Variants in SLC6A20 observed in about 807,000 individuals in gnomAD.
SLC6A20 encodes solute carrier family 6 member 20.
A neutral mutation model predicts 64.3 loss-of-function variants in SLC6A20; 73 were observed. The observed-to-expected ratio is 1.14, with a 90% CI of 0.94 to 1.38. The LOEUF is 1.38. SLC6A20 is among the 40% of genes most tolerant of loss of function. The probability of loss-of-function intolerance (pLI) is 0.00; values close to 1 mark genes in which losing one functional copy is unlikely to be tolerated. For synonymous variants in SLC6A20, 347 were observed against 329.6 expected, an observed-to-expected ratio of 1.05 and a Z score of -0.57; for missense variants, 725 against 772.8, an observed-to-expected ratio of 0.94 and a Z score of 0.73.
At chr3:45,763,214 G>C (rs1699716671) in intron 8 of SLC6A20, 142 bp from the exon 9 acceptor site, 1 of 1,267,944 alleles carries the variant, frequency 7.9e-7, no homozygotes, top group East Asian at 2.5e-5. Flanking sequence ...GAGCTGTCAT[G>C]GTTTGGACTC....
intron 5 of SLC6A20, chr3:45,772,093 G>T (rs62245063): frequency 9.8e-5 from 19 of 194,614 alleles, no homozygotes; most frequent in African/African-American, 4.3e-4. Context: ...GGTGCATGGA[G>T]AATGGGTGGG....
intron 3 of SLC6A20, 110 bp downstream of exon 3, chr3:45,779,899 G>A (rs772618276): frequency 6.8e-5 from 79 of 1,166,014 alleles, no homozygotes; most frequent in African/African-American, 9.3e-5. Context: ...CCGGCTCCCC[G>A]CCCCGAGGCT....
intron 3 of SLC6A20, among the ~76,000 whole-genome samples, chr3:45,776,450 A>G (rs928472855): frequency 1.3e-5 from 2 of 152,152 alleles, no homozygotes; most frequent in African/African-American, 4.8e-5. Context: ...AACCAGAGAA[A>G]GTGACAGAGA....
In SLC6A20 at chr3:45,772,560, CT is replaced by C. The variant is rs767636702; in HGVS notation, c.637del (p.Arg213GlyfsTer20). The C allele has an allele frequency of 6.8e-6, 11 of 1,613,962 alleles. No homozygotes were observed. In the South Asian group the frequency reaches 9.9e-5, roughly 15 times the overall value. On this transcript the variant is annotated frameshift_variant, in exon 5 of 11. Coordinates refer to ENST00000358525, the MANE Select transcript of SLC6A20 (RefSeq NM_020208.4). LOFTEE classifies it high-confidence loss of function. ...GGTGGCTCCGTGGAGCGTGAGGCCC[CT>C]GATGAGGTAGATGATGAGCACGCAA... is the stretch of plus-strand genomic sequence containing the variant. ...PYCVLIIYLI[R>X]GLTLHGATNG...
At chr3:45,792,389 G>A (rs183145287) in intron 1 of SLC6A20, among the ~76,000 whole-genome samples, 1 of 152,140 alleles carries the variant, frequency 6.6e-6, no homozygotes, top group African/African-American at 2.4e-5. Flanking sequence ...CTGTAAATGG[G>A]GGTGACAGGA....
chr3:45,759,232 A>T (rs529077940), intron 10 of SLC6A20, 105 bp from the exon 11 acceptor site: 2 of 1,249,324 alleles, frequency 1.6e-6, no homozygotes, highest in South Asian at 1.8e-5. Flanking sequence ...GGCAGAGAGC[A>T]TGTGGGGCCG....
At position 45,782,191 on chromosome 3, in the gene SLC6A20, T is replaced by G; in HGVS notation, c.154A>C (p.Ile52Leu). ...SFLVPYIIMLIVEGMPLLYLE... is the reference protein window; with the variant it reads ...SFLVPYIIMLLVEGMPLLYLE... ...TACAAGAGCGGCATTCCCTCCACGA[T>G]AAGCATGATGATGTAGGGGACCAGG... is the stretch of plus-strand genomic sequence containing the variant. The change falls in exon 2 of 11, where the codon ATC becomes CTC. Residue 52 changes from isoleucine (I) to leucine (L), a missense_variant. Ile to Leu is a conservative substitution (Grantham distance 5). Coordinates refer to ENST00000358525, the MANE Select transcript of SLC6A20 (RefSeq NM_020208.4). The G allele has an allele frequency of 7.4e-6, 12 of 1,613,870 alleles. No homozygotes were observed. The highest frequency in any genetic ancestry group is 9.3e-6 in the Non-Finnish European group (11 of 1,179,868).
Position 45,794,042 on chromosome 3 carries a change from T to C in SLC6A20, c.121+2257A>G, listed in dbSNP as rs918986166. On this transcript the variant is annotated intron_variant, in intron 1 of 10. Coordinates refer to ENST00000358525, the MANE Select transcript of SLC6A20 (RefSeq NM_020208.4). The stretch of plus-strand genomic sequence containing the variant: ...TTGGGCCGGGCGGAGACAGAGAAAC[T>C]GAAGAACAATGTGCAGTTCTTCTGA... Among the ~76,000 whole-genome samples the C allele has an allele frequency of 3.3e-5, 5 of 152,360 alleles. No individual in the cohort carries two copies. The South Asian group carries it at 1.0e-3, about 32-fold the overall frequency.
At chr3:45,782,254 A>G (rs368770504) in intron 1 of SLC6A20, 31 bp from the exon 2 acceptor site, 4 of 1,594,714 alleles carry the variant, frequency 2.5e-6, no homozygotes, top group African/African-American at 1.3e-5. Flanking sequence ...GAGCCAGGCC[A>G]CCACCAAAAG....
At chr3:45,761,866 A>T (rs1232791785) in intron 9 of SLC6A20, among the ~76,000 whole-genome samples, 1 of 152,192 alleles carries the variant, frequency 6.6e-6, no homozygotes, top group Non-Finnish European at 1.5e-5. Flanking sequence ...CTGATGGATC[A>T]TGGGAGATCC....
In SLC6A20 at chr3:45,770,236, GTTT is replaced by G; in HGVS notation, c.1068_1070del (p.Lys356del). The G allele has an allele frequency of 6.2e-7, 1 of 1,614,212 alleles. No homozygotes were observed. Among genetic ancestry groups the G allele is most frequent in the Non-Finnish European group, 8.5e-7 (1 of 1,180,040 alleles). ...TGTCTAGCTCCGATTCCAAGCTGCA[GTTT>G]TTGATTTGCGGGAACATCTCGCTGT... On this transcript the variant is annotated inframe_deletion, in exon 7 of 11. Transcript: ENST00000358525.
rs1214272890 is a variant in SLC6A20 at position 45,796,279 on chromosome 3, G to A, written c.121+20C>T. 3.8e-5 allele frequency: 60 copies of A among 1,586,920 alleles called. No homozygotes were observed. Among genetic ancestry groups the A allele is most frequent in the Non-Finnish European group, 5.1e-5 (59 of 1,167,032 alleles). On this transcript the variant is annotated intron_variant, in intron 1 of 10. Coordinates refer to ENST00000358525, the MANE Select transcript of SLC6A20 (RefSeq NM_020208.4). ...ACGCGCACAGAGTTGGGCTGGGGCCGGGGCGCGGTGGGCACTCACCTCCGC... is the reference window on the plus strand; with the variant it reads ...ACGCGCACAGAGTTGGGCTGGGGCCAGGGCGCGGTGGGCACTCACCTCCGC...
At chr3:45,790,357 G>A (rs891655588) in intron 1 of SLC6A20, 1 of 151,652 alleles carries the variant, frequency 6.6e-6, no homozygotes, top group African/African-American at 2.4e-5. Context: ...AAGGAACACC[G>A]AGCACACCAG....
chr3:45,763,635 G>A (rs373662906), intron 8 of SLC6A20, among the ~76,000 whole-genome samples: 4 of 152,138 alleles, frequency 2.6e-5, no homozygotes, highest in Admixed American at 6.5e-5. Context: ...GCAGGTGTCC[G>A]GAGCCCCCTT....
intron 7 of SLC6A20, among the ~76,000 whole-genome samples, chr3:45,766,887 C>T (rs543082749): frequency 1.3e-5 from 2 of 152,350 alleles, no homozygotes; most frequent in South Asian, 4.1e-4. Context: ...CCTGTAATCC[C>T]AGCACTTTGG....
chr3:45,760,134 AT>A, intron 9 of SLC6A20, 112 bp from the exon 10 acceptor site: 1 of 1,268,740 alleles, frequency 7.9e-7, no homozygotes, highest in Non-Finnish European at 1.1e-6. Context: ...GTGGTAAAGG[AT>A]GTCTGAGCTT....
At chr3:45,763,981 AAGTGCTGC>A (rs1376565417) in intron 8 of SLC6A20, among the ~76,000 whole-genome samples, 1 of 152,194 alleles carries the variant, frequency 6.6e-6, no homozygotes, top group African/African-American at 2.4e-5. Context: ...GAGGGGGTCT[AAGTGCTGC>A]AGCACTCTGA....
At position 45,780,031 on chromosome 3, in the gene SLC6A20, C is replaced by T; in HGVS notation, c.332G>A (p.Trp111Ter). 6.2e-7 allele frequency: 1 copy of T among 1,604,512 alleles called. No homozygotes were observed. Among genetic ancestry groups the T allele is most frequent in the Non-Finnish European group, 8.5e-7 (1 of 1,175,436 alleles). The change falls in exon 3 of 11, where the codon TGG becomes TAG. Residue 111 changes from tryptophan (W) to a stop codon, truncating the protein, a stop_gained. Coordinates refer to ENST00000358525, the MANE Select transcript of SLC6A20 (RefSeq NM_020208.4). LOFTEE classifies it high-confidence loss of function. ...CACCTGGAAGGAGTGGAAGAGGTACCAGAAGGCCCAGGCGTTGATGACGTT... is the reference window on the plus strand; with the variant it reads ...CACCTGGAAGGAGTGGAAGAGGTACTAGAAGGCCCAGGCGTTGATGACGTT... ...YYNVINAWAF[W>*]YLFHSFQDPL...
chr3:45,780,203 G>GTTCAGAAGCCCTTCAC, intron 2 of SLC6A20, 103 bp from the exon 3 acceptor site: 1 of 1,073,982 alleles, frequency 9.3e-7, no homozygotes, highest in African/African-American at 1.6e-5. Context: ...ACCGCCCCGG[G>GTTCAGAAGCCCTTCAC]GTGGGCGAGG....
Sources: allele counts gnomAD v4.1 joint callset (sites outside exome capture counted in the v4.1 genomes callset), GRCh38; gene constraint gnomAD v4.1.1; transcripts MANE v1.5; gene names NCBI Gene and HGNC (gene_info 2026-07-23, HGNC 2026-07-21).